IL1RAPL1: variants seen among roughly 807,000 people sequenced by gnomAD.
The protein encoded by IL1RAPL1 is interleukin-1 receptor accessory protein-like 1.
In IL1RAPL1, 3 loss-of-function variants were observed where a neutral mutation model predicts 48.4. That is an observed-to-expected ratio of 0.06 (90% CI 0.03 to 0.16). IL1RAPL1 has a LOEUF of 0.16. IL1RAPL1 is among the 10% of genes least tolerant of loss of function. The probability of loss-of-function intolerance (pLI) is 1.00; values close to 1 mark genes in which losing one functional copy is unlikely to be tolerated. For missense variants in IL1RAPL1, 349 were observed against 530.6 expected, an observed-to-expected ratio of 0.66 and a Z score of 3.36; for synonymous variants, 185 against 187.7, an observed-to-expected ratio of 0.99 and a Z score of 0.12.
At chrX:29,125,936 AT>A (rs1441503552) in intron 2 of IL1RAPL1, among the ~76,000 whole-genome samples, 1 of 109,397 alleles carries the variant, frequency 9.1e-6, no homozygotes, top group African/African-American at 3.3e-5. Context: ...GAGGGTTTAG[AT>A]TTTGGAAAGT....
chrX:29,256,079 G>A (rs376336194), intron 2 of IL1RAPL1, among the ~76,000 whole-genome samples: 22 of 111,260 alleles, frequency 2.0e-4, no homozygotes, highest in Non-Finnish European at 3.0e-4. Flanking sequence ...CACCAACAGC[G>A]TATAAGCATT....
intron 2 of IL1RAPL1, among the ~76,000 whole-genome samples, chrX:29,080,800 T>G (rs1305221446): frequency 9.4e-6 from 1 of 106,659 alleles, no homozygotes; most frequent in East Asian, 3.0e-4. Context: ...TGGAGGGCAG[T>G]GGCGTGATTT....
At chrX:29,597,661 G>A (rs190159040) in intron 5 of IL1RAPL1, among the ~76,000 whole-genome samples, 33 of 111,994 alleles carry the variant, frequency 2.9e-4, no homozygotes, top group South Asian at 7.4e-4. Flanking sequence ...GAGTCCATCT[G>A]GTCCTGGACT....
intron 2 of IL1RAPL1, among the ~76,000 whole-genome samples, chrX:29,055,913 A>C (rs1224278295): frequency 1.8e-5 from 2 of 111,736 alleles, no homozygotes; most frequent in Non-Finnish European, 3.8e-5. Flanking sequence ...TTTAATCATA[A>C]AATGATTTAC....
At chrX:29,117,524 C>T (rs1374175086) in intron 2 of IL1RAPL1, among the ~76,000 whole-genome samples, 3 of 111,923 alleles carry the variant, frequency 2.7e-5, no homozygotes, top group Non-Finnish European at 3.8e-5. Context: ...CTTTTCTGTA[C>T]GTGTTTTTAA....
At chrX:28,912,289 C>T (rs956100532) in intron 2 of IL1RAPL1, among the ~76,000 whole-genome samples, 2 of 110,211 alleles carry the variant, frequency 1.8e-5, no homozygotes, top group Admixed American at 2.0e-4. Flanking sequence ...ATACTACACA[C>T]ATTCTTTCTA....
rs1286431535 is a variant in IL1RAPL1 at position 29,780,239 on chromosome X, GAA to G, written c.778+111736_778+111737del. 7.2e-5 allele frequency among the ~76,000 whole-genome samples: 8 copies of G among 111,703 alleles called. No homozygotes were observed. In the Admixed American group the frequency reaches 7.6e-4, roughly 11 times the overall value. On this transcript the variant is annotated intron_variant, in intron 6 of 10. Transcript: ENST00000378993. The stretch of plus-strand genomic sequence containing the variant: ...TACAAATTCTTAAAAGAAGATAAAA[GAA>G]TGATTTTTCCTCATTATGGTGTAAA...
intron 2 of IL1RAPL1, among the ~76,000 whole-genome samples, chrX:28,831,865 G>T (rs1921066528): frequency 9.1e-6 from 1 of 110,272 alleles, no homozygotes; most frequent in Admixed American, 9.7e-5. Flanking sequence ...GACAATTTTT[G>T]ATTACTTTGT....
Position 28,782,947 on chromosome X carries a change from AG to A in IL1RAPL1, c.-24-6370del, listed in dbSNP as rs1307987724. On this transcript the variant is annotated intron_variant, in intron 1 of 10. Coordinates refer to ENST00000378993, the MANE Select transcript of IL1RAPL1 (RefSeq NM_014271.4). ...GCTCTTTTTTTTCTTAATAGATTAG[AG>A]GGAAGTTTCATCAACTCTTTGTAAT... Among the ~76,000 whole-genome samples, 3 of 111,260 alleles carry A rather than the reference AG, an allele frequency of 2.7e-5. No individual in the cohort carries two copies. In the East Asian group the frequency reaches 8.4e-4, roughly 31 times the overall value.
chrX:29,295,793 T>C (rs1602156705), intron 3 of IL1RAPL1, among the ~76,000 whole-genome samples: 1 of 111,408 alleles, frequency 9.0e-6, no homozygotes, highest in African/African-American at 3.3e-5. Context: ...AGGTGTAGAC[T>C]GAAAGGAACA....
intron 2 of IL1RAPL1, among the ~76,000 whole-genome samples, chrX:29,261,157 C>T (rs1483055238): frequency 1.8e-5 from 2 of 109,576 alleles, no homozygotes; most frequent in East Asian, 5.7e-4. Flanking sequence ...AACTTTTTTT[C>T]CAACTTGAAG....
intron 2 of IL1RAPL1, among the ~76,000 whole-genome samples, chrX:29,194,179 ACATTAC>A (rs778761959): frequency 1.8e-5 from 2 of 112,519 alleles, no homozygotes; most frequent in Non-Finnish European, 3.8e-5. Flanking sequence ...TGAAAGAGAA[ACATTAC>A]CATATATAAA....
At chrX:29,160,559 GAT>G (rs1233381656) in intron 2 of IL1RAPL1, among the ~76,000 whole-genome samples, 3 of 111,841 alleles carry the variant, frequency 2.7e-5, no homozygotes, top group Admixed American at 9.5e-5. Context: ...ATTTACATAG[GAT>G]GCCAAATTTC....
chrX:29,356,305 G>A (rs1933301338), intron 3 of IL1RAPL1, among the ~76,000 whole-genome samples: 1 of 107,767 alleles, frequency 9.3e-6, no homozygotes, highest in Non-Finnish European at 1.9e-5. Context: ...CTACAGTGAG[G>A]CAATCGTTTT....
chrX:29,047,467 ACTT>A (rs1261489963), intron 2 of IL1RAPL1, among the ~76,000 whole-genome samples: 2 of 112,373 alleles, frequency 1.8e-5, no homozygotes, highest in Non-Finnish European at 3.8e-5. Flanking sequence ...ATGGATGAAA[ACTT>A]CTCATTTGCT....
intron 5 of IL1RAPL1, among the ~76,000 whole-genome samples, chrX:29,638,059 A>G (rs1441772193): frequency 9.0e-6 from 1 of 111,720 alleles, no homozygotes; most frequent in Non-Finnish European, 1.9e-5. Flanking sequence ...ACACCAGACA[A>G]TCTAATTGCT....
chrX:28,998,775 TGTG>T (rs1179685209), intron 2 of IL1RAPL1, among the ~76,000 whole-genome samples: 1 of 112,197 alleles, frequency 8.9e-6, no homozygotes, highest in Non-Finnish European at 1.9e-5. Flanking sequence ...TCTTTTCTGT[TGTG>T]TGTGAAACAT....
At chrX:28,775,724 T>G (rs1232834267) in intron 1 of IL1RAPL1, among the ~76,000 whole-genome samples, 2 of 112,871 alleles carry the variant, frequency 1.8e-5, no homozygotes, top group Non-Finnish European at 3.7e-5. Context: ...TCTCACTTAG[T>G]TCCACTCTCA....
intron 5 of IL1RAPL1, among the ~76,000 whole-genome samples, chrX:29,406,343 C>G (rs980598661): frequency 9.2e-6 from 1 of 109,288 alleles, no homozygotes; most frequent in Non-Finnish European, 1.9e-5. Flanking sequence ...GAGCCGAAAT[C>G]GCGACACTGC....
Sources: allele counts gnomAD v4.1 joint callset (sites outside exome capture counted in the v4.1 genomes callset), GRCh38; gene constraint gnomAD v4.1.1; transcripts MANE v1.5; gene names NCBI Gene and HGNC (gene_info 2026-07-23, HGNC 2026-07-21).